The following CAMK4 variants were observed in gnomAD, a reference collection of about 807,000 sequenced individuals.
CAMK4 encodes calcium/calmodulin dependent protein kinase IV.
A neutral mutation model predicts 44.9 loss-of-function variants in CAMK4; 22 were observed. The observed-to-expected ratio is 0.49, with a 90% CI of 0.35 to 0.70. CAMK4 has a LOEUF of 0.70. Ranked by LOEUF, CAMK4 falls within the 30% of genes least tolerant of loss-of-function variation. CAMK4 has a pLI of 0.01. For missense variants in CAMK4, 498 were observed against 586.8 expected (o/e 0.85, Z 1.56); for synonymous variants, 218 against 215.4 (o/e 1.01, Z -0.11).
rs560327722 is a variant in CAMK4, at chr5:111,302,004, C to T, written c.162-42020C>T. Among the ~76,000 whole-genome samples the T allele has an allele frequency of 5.3e-5, 8 of 152,232 alleles. No homozygotes were observed. The South Asian group carries it at 1.7e-3, about 32-fold the overall frequency. The stretch of plus-strand genomic sequence containing the variant: ...TAATGATTTAACTGGCATTAGAATT[C>T]GGTGAGGATGTTTGCTGAAGGGTAA... On this transcript the variant is annotated intron_variant, in intron 1 of 10. Coordinates refer to ENST00000282356, the MANE Select transcript of CAMK4 (RefSeq NM_001744.6).
chr5:111,344,013 TC>T lies in CAMK4; in HGVS notation c.162-6del. ...GCATAACATTTTCTTTTTGTCTTTTTCCCCCTCAAGGGGTGCTACATCCATT... is the reference window on the plus strand; with the variant it reads ...GCATAACATTTTCTTTTTGTCTTTTTCCCCTCAAGGGGTGCTACATCCATT... On this transcript the variant is annotated splice_polypyrimidine_tract_variant and intron_variant, in intron 1 of 10. Coordinates refer to ENST00000282356, the MANE Select transcript of CAMK4 (RefSeq NM_001744.6). 2 of 1,546,930 alleles carry T rather than the reference TC, an allele frequency of 1.3e-6. No homozygotes were observed. Among genetic ancestry groups the T allele is most frequent in the Non-Finnish European group, 1.8e-6 (2 of 1,127,348 alleles).
intron 1 of CAMK4, among the ~76,000 whole-genome samples, chr5:111,282,282 A>G (rs1038440813): frequency 1.3e-5 from 2 of 152,202 alleles, no homozygotes; most frequent in African/African-American, 4.8e-5. Flanking sequence ...TTACTCTTAA[A>G]TTAGGTGGCT....
At chr5:111,273,955 A>G (rs1750653497) in intron 1 of CAMK4, among the ~76,000 whole-genome samples, 1 of 151,772 alleles carries the variant, frequency 6.6e-6, no homozygotes, top group Non-Finnish European at 1.5e-5. Flanking sequence ...TAATAGCTAT[A>G]TGTTATCCAG....
At chr5:111,471,693 T>C (rs2112485071) in intron 7 of CAMK4, among the ~76,000 whole-genome samples, 1 of 152,326 alleles carries the variant, frequency 6.6e-6, no homozygotes, top group East Asian at 1.9e-4. Flanking sequence ...AATTCATGCA[T>C]AATTTTTTAT....
chr5:111,379,094 G>A (rs565981574), intron 4 of CAMK4, among the ~76,000 whole-genome samples: 25 of 152,232 alleles, frequency 1.6e-4, no homozygotes, highest in Middle Eastern at 3.4e-3. Context: ...TCTCTAAGGA[G>A]ACCTTGCATA....
chr5:111,246,957 AGTT>A (rs1749269534), intron 1 of CAMK4, among the ~76,000 whole-genome samples: 4 of 152,198 alleles, frequency 2.6e-5, no homozygotes, highest in Non-Finnish European at 4.4e-5. Context: ...ATCTCATTAT[AGTT>A]ATGATGTGCT....
At chr5:111,313,955 G>A (rs919412143) in intron 1 of CAMK4, among the ~76,000 whole-genome samples, 2 of 152,060 alleles carry the variant, frequency 1.3e-5, no homozygotes. Context: ...ATTTGTATGG[G>A]TATATCGAAT....
At chr5:111,340,527 T>G (rs1749596379) in intron 1 of CAMK4, among the ~76,000 whole-genome samples, 1 of 151,400 alleles carries the variant, frequency 6.6e-6, no homozygotes. Context: ...ATTACTGATT[T>G]GAATATGTTT....
At chr5:111,369,345 G>A (rs906915518) in intron 2 of CAMK4, among the ~76,000 whole-genome samples, 34 of 152,132 alleles carry the variant, frequency 2.2e-4, no homozygotes, top group South Asian at 8.3e-4. Context: ...GATTACAGGC[G>A]TGAGCCACTA....
chr5:111,247,890 A>G (rs1215125327), intron 1 of CAMK4, among the ~76,000 whole-genome samples: 1 of 152,206 alleles, frequency 6.6e-6, no homozygotes. Flanking sequence ...TATAAGGCCA[A>G]AGAAGTACTG....
At position 111,395,451 on chromosome 5, in the gene CAMK4, C is replaced by CT. The variant is rs369721733; in HGVS notation, c.459+681dup. ...ATTTCTTGAGTTTGTTTGTTCATTG[C>CT]TTTTTTTTTTTTAATTTGGTAGAGA... On this transcript the variant is annotated intron_variant, in intron 5 of 10. Coordinates refer to ENST00000282356, the MANE Select transcript of CAMK4 (RefSeq NM_001744.6). Among the ~76,000 whole-genome samples, 785 of 136,688 alleles carry CT rather than the reference C, an allele frequency of 5.7e-3. 6 individuals carry two copies. The highest frequency in any genetic ancestry group is 0.016 in the African/African-American group (604 of 37,286). 89.7% of individuals were successfully genotyped at this position (136,688 alleles called of 152,430 possible).
chr5:111,467,663 C>T (rs888319035), intron 7 of CAMK4, among the ~76,000 whole-genome samples: 1 of 152,144 alleles, frequency 6.6e-6, no homozygotes, highest in African/African-American at 2.4e-5. Flanking sequence ...TGCCACCTTA[C>T]TCCTGCAAGA....
At position 111,252,359 on chromosome 5, in the gene CAMK4, A is replaced by G. The variant is rs57276849; in HGVS notation, c.161+27715A>G. 4.0e-3 allele frequency among the ~76,000 whole-genome samples: 614 copies of G among 152,296 alleles called. 3 individuals are homozygous for G. Among genetic ancestry groups the G allele is most frequent in the African/African-American group, 0.014 (586 of 41,558 alleles). On this transcript the variant is annotated intron_variant, in intron 1 of 10. Coordinates refer to ENST00000282356, the MANE Select transcript of CAMK4 (RefSeq NM_001744.6). ...TAAACCATGGGGTGAGTACCTTCTT[A>G]TACATTTTTGTTTAGTATGGAGAAG...
chr5:111,324,241 A>G (rs956433554), intron 1 of CAMK4, among the ~76,000 whole-genome samples: 17 of 151,944 alleles, frequency 1.1e-4, no homozygotes, highest in African/African-American at 4.1e-4. Context: ...TAAATGAACT[A>G]AATACTCCAA....
At position 111,340,831 on chromosome 5, in the gene CAMK4, C is replaced by T. The variant is rs148791188; in HGVS notation, c.162-3193C>T. On this transcript the variant is annotated intron_variant, in intron 1 of 10. Transcript: ENST00000282356. The stretch of plus-strand genomic sequence containing the variant: ...CAGCAGTGAAGCCTTTAGGTCCAGG[C>T]TTCTTTTTTCTTTTCTTTTTGTTTT... Among the ~76,000 whole-genome samples the T allele has an allele frequency of 1.3e-3, 202 of 150,692 alleles. 1 individual carries two copies. The highest frequency in any genetic ancestry group is 4.6e-3 in the African/African-American group (191 of 41,316).
chr5:111,396,848 C>T (rs1752031694), intron 5 of CAMK4, among the ~76,000 whole-genome samples: 3 of 151,754 alleles, frequency 2.0e-5, no homozygotes, highest in Admixed American at 1.3e-4. Flanking sequence ...ACCACATTAG[C>T]CAGGCTGACC....
intron 2 of CAMK4, among the ~76,000 whole-genome samples, chr5:111,349,114 A>G (rs1749987771): frequency 6.6e-6 from 1 of 151,916 alleles, no homozygotes. Flanking sequence ...CTTTTTTTCC[A>G]CTTAGTATTA....
chr5:111,480,478 T>G (rs1415512797), intron 9 of CAMK4, among the ~76,000 whole-genome samples: 1 of 152,162 alleles, frequency 6.6e-6, no homozygotes, highest in Non-Finnish European at 1.5e-5. Flanking sequence ...TAATTAGATT[T>G]TAAGCTCTGG....
At chr5:111,257,960 A>G (rs1452664919) in intron 1 of CAMK4, among the ~76,000 whole-genome samples, 3 of 152,058 alleles carry the variant, frequency 2.0e-5, no homozygotes, top group East Asian at 1.9e-4. Flanking sequence ...CACATGGACA[A>G]TGAGATACCA....
Sources: gnomAD v4.1 joint callset for allele counts (sites outside exome capture counted in the v4.1 genomes callset) on GRCh38, gnomAD v4.1.1 for gene constraint, MANE v1.5 for transcripts, NCBI Gene and HGNC (gene_info 2026-07-23, HGNC 2026-07-21) for gene names.